The following PCDHA3 variants were observed in gnomAD, a reference collection of about 807,000 sequenced individuals.
The protein encoded by PCDHA3 is protocadherin alpha-3.
A neutral mutation model predicts 62.2 loss-of-function variants in PCDHA3; 41 were observed. The ratio of observed to expected loss-of-function variants is 0.66; its 90% CI spans 0.51 to 0.86. The LOEUF is 0.86. Ranked by LOEUF, PCDHA3 falls within the 40% of genes least tolerant of loss-of-function variation. The probability of loss-of-function intolerance (pLI) is 0.00; values close to 1 mark genes in which losing one functional copy is unlikely to be tolerated. For missense variants in PCDHA3, 1,304 were observed against 1,241.2 expected (o/e 1.05, Z -0.76); for synonymous variants, 640 against 555.4 (o/e 1.15, Z -2.14).
chr5:140,807,934 G>A, intron 1 of PCDHA3: 1 of 1,614,090 alleles, frequency 6.2e-7, no homozygotes, highest in Non-Finnish European at 8.5e-7. Context: ...TTTATAAGGT[G>A]AGATTACTAG....
At chr5:140,938,885 A>C (rs966791166) in intron 1 of PCDHA3, among the ~76,000 whole-genome samples, 9 of 152,144 alleles carry the variant, frequency 5.9e-5, no homozygotes, top group Non-Finnish European at 1.2e-4. Flanking sequence ...CAACACACAC[A>C]CACACAGATG....
intron 1 of PCDHA3, among the ~76,000 whole-genome samples, chr5:140,965,602 A>G (rs1319736678): frequency 6.6e-6 from 1 of 152,126 alleles, no homozygotes; most frequent in African/African-American, 2.4e-5. Context: ...AGACTCTTGA[A>G]GACATTGTCA....
chr5:140,815,785 A>G (rs1765793335), intron 1 of PCDHA3: 1 of 152,154 alleles, frequency 6.6e-6, no homozygotes, highest in South Asian at 2.1e-4. Flanking sequence ...GATCACCTTC[A>G]GCTTTTGTTT....
At chr5:140,914,501 C>T (rs1231907689) in intron 1 of PCDHA3, among the ~76,000 whole-genome samples, 1 of 152,084 alleles carries the variant, frequency 6.6e-6, no homozygotes, top group African/African-American at 2.4e-5. Context: ...GGCAACAGAT[C>T]ATTGGGTCAT....
chr5:140,849,962 G>T, intron 1 of PCDHA3: 1 of 1,597,888 alleles, frequency 6.3e-7, no homozygotes, highest in Non-Finnish European at 8.6e-7. Flanking sequence ...AGAACGCCCT[G>T]GTGTCCTACT....
chr5:140,967,728 G>C (rs781785028), intron 1 of PCDHA3: 13 of 1,614,176 alleles, frequency 8.1e-6, no homozygotes, highest in Non-Finnish European at 1.1e-5. Flanking sequence ...CGAGTAATTG[G>C]GGGGCTGGAT....
At chr5:140,809,056 C>T (rs782158159) in intron 1 of PCDHA3, 8 of 1,613,880 alleles carry the variant, frequency 5.0e-6, no homozygotes, top group Admixed American at 3.3e-5. Context: ...TCCCGTTCCG[C>T]GTGGGGCTGT....
At chr5:140,887,544 CATGG>C (rs2061491541) in intron 1 of PCDHA3, among the ~76,000 whole-genome samples, 2 of 152,098 alleles carry the variant, frequency 1.3e-5, no homozygotes, top group Non-Finnish European at 2.9e-5. Context: ...CCCCACCCCT[CATGG>C]TTACTGTTAA....
At chr5:140,917,332 G>GC (rs1293292013) in intron 1 of PCDHA3, among the ~76,000 whole-genome samples, 1 of 145,540 alleles carries the variant, frequency 6.9e-6, no homozygotes, top group Non-Finnish European at 1.5e-5. Flanking sequence ...GGCGGGGGAG[G>GC]GGGGGGATGG....
chr5:140,978,457 C>G (rs1223652568), intron 1 of PCDHA3, among the ~76,000 whole-genome samples: 1 of 152,182 alleles, frequency 6.6e-6, no homozygotes, highest in Non-Finnish European at 1.5e-5. Context: ...GCACATCCGC[C>G]CTGGGTCAAA....
chr5:140,903,955 A>G (rs536986744), intron 1 of PCDHA3, among the ~76,000 whole-genome samples: 1 of 152,308 alleles, frequency 6.6e-6, no homozygotes, highest in Non-Finnish European at 1.5e-5. Context: ...CTGGAAAATT[A>G]TTTGTTGATT....
chr5:140,861,388 G>T, intron 1 of PCDHA3: 1 of 450,376 alleles, frequency 2.2e-6, no homozygotes, highest in African/African-American at 2.0e-5. Context: ...CAGGACCTGG[G>T]TCTGGAGCTT....
At chr5:140,828,204 A>G in intron 1 of PCDHA3, 8 of 1,614,086 alleles carry the variant, frequency 5.0e-6, no homozygotes, top group Non-Finnish European at 6.8e-6. Flanking sequence ...GTACCCGAGG[A>G]GGCCAAACAC....
At chr5:140,909,378 C>T (rs544117185) in intron 1 of PCDHA3, among the ~76,000 whole-genome samples, 1 of 152,264 alleles carries the variant, frequency 6.6e-6, no homozygotes, top group Admixed American at 6.5e-5. Context: ...GCAATGAAAC[C>T]ACATCTAGTA....
intron 1 of PCDHA3, among the ~76,000 whole-genome samples, chr5:140,942,747 A>C (rs1291200302): frequency 6.6e-6 from 1 of 152,232 alleles, no homozygotes; most frequent in African/African-American, 2.4e-5. Flanking sequence ...AAAATCTTGT[A>C]TAAATGAGAT....
At chr5:140,994,197 G>A (rs1449482897) in intron 3 of PCDHA3, among the ~76,000 whole-genome samples, 1 of 152,196 alleles carries the variant, frequency 6.6e-6, no homozygotes. Context: ...GGGCCTGTTG[G>A]TCCAGAATGG....
rs1210767626 is a variant in PCDHA3 at position 141,010,197 on chromosome 5, C to G, written c.*260C>G. 83 of 1,552,082 alleles carry G rather than the reference C, an allele frequency of 5.3e-5. No homozygotes were observed. Among genetic ancestry groups the G allele is most frequent in the Non-Finnish European group, 6.6e-5 (76 of 1,147,118 alleles). On this transcript the variant is annotated 3_prime_UTR_variant, in exon 4 of 4. Coordinates refer to ENST00000522353, the MANE Select transcript of PCDHA3 (RefSeq NM_018906.3). ...AAAAGCAGACCCAAGTTTCCTTTCT[C>G]CTCCGCCGCAAAGGAGAGGCTTCCC...
At chr5:140,871,117 G>T in intron 1 of PCDHA3, 2 of 1,613,286 alleles carry the variant, frequency 1.2e-6, no homozygotes, top group Non-Finnish European at 1.7e-6. Flanking sequence ...GGTGGAGAGC[G>T]GACAGGCGCC....
At chr5:140,868,946 G>A in intron 1 of PCDHA3, 1 of 1,292,214 alleles carries the variant, frequency 7.7e-7, no homozygotes, top group Middle Eastern at 2.5e-4. Flanking sequence ...TCTGAACAGT[G>A]AGGCACTCCC....
Sources: allele counts gnomAD v4.1 joint callset (sites outside exome capture counted in the v4.1 genomes callset), GRCh38; gene constraint gnomAD v4.1.1; transcripts MANE v1.5; gene names NCBI Gene and HGNC (gene_info 2026-07-23, HGNC 2026-07-21).